Variants in EEA1 observed in about 807,000 individuals in gnomAD.
EEA1 encodes early endosome antigen 1, 162kD.
Under a neutral mutation model 209.2 loss-of-function variants are expected in EEA1, and 111 were observed. That is an observed-to-expected ratio of 0.53 (90% confidence interval 0.45 to 0.62). The LOEUF is 0.62. Among genes scored for constraint, EEA1 ranks in the 20% least tolerant of loss-of-function variants. The pLI is 0.00. For synonymous variants in EEA1, 536 were observed against 540.6 expected, an observed-to-expected ratio of 0.99 and a Z score of 0.12; for missense variants, 1,343 against 1,530.8, an observed-to-expected ratio of 0.88 and a Z score of 2.05.
At chr12:92,827,098 G>A (rs1056470305) in intron 12 of EEA1, among the ~76,000 whole-genome samples, 2 of 152,162 alleles carry the variant, frequency 1.3e-5, no homozygotes, top group African/African-American at 2.4e-5. Context: ...GCTCACACCC[G>A]TAATCCCAGC....
At chr12:92,802,803 T>A in intron 18 of EEA1, 69 bp from the exon 19 acceptor site, 2 of 1,253,530 alleles carry the variant, frequency 1.6e-6, no homozygotes, top group African/African-American at 1.6e-5. Flanking sequence ...CATTCAAAAT[T>A]AATCACAAAC....
At chr12:92,873,473 G>C (rs1022319059) in intron 2 of EEA1, among the ~76,000 whole-genome samples, 1 of 152,196 alleles carries the variant, frequency 6.6e-6, no homozygotes, top group African/African-American at 2.4e-5. Flanking sequence ...TGTGCCTGAT[G>C]ATACAGTAGA....
At chr12:92,778,250 A>C in intron 25 of EEA1, 71 bp from the exon 26 acceptor site, 1 of 1,254,736 alleles carries the variant, frequency 8.0e-7, no homozygotes, top group Non-Finnish European at 1.1e-6. Flanking sequence ...GTGATTTATT[A>C]CATTTAAAAT....
intron 1 of EEA1, among the ~76,000 whole-genome samples, chr12:92,918,943 T>A (rs1259266392): frequency 7.3e-6 from 1 of 137,624 alleles, no homozygotes; most frequent in African/African-American, 2.8e-5. Flanking sequence ...AAATACAAAC[T>A]ACCATCAGAG....
chr12:92,851,316 A>G (rs776389629), intron 8 of EEA1, 50 bp from the exon 9 acceptor site: 1 of 1,520,956 alleles, frequency 6.6e-7, no homozygotes, highest in South Asian at 1.2e-5. Flanking sequence ...AACTAAAATA[A>G]TACACATTTT....
Position 92,883,747 on chromosome 12 carries a change from G to A in EEA1, c.117+7882C>T, listed in dbSNP as rs192102891. 6.5e-3 allele frequency: 8,444 copies of A among 1,300,974 alleles called. 40 individuals are homozygous for A. Among genetic ancestry groups the A allele is most frequent in the Non-Finnish European group, 7.7e-3 (7,021 of 906,386 alleles). The allele number at this position is 1,300,974 out of a possible 1,614,324, so 80.6% of individuals were successfully genotyped here. A position where few individuals can be genotyped will look rare whatever the true frequency, so the allele number is the denominator to read the frequency against. ...CCGCGGACGCCACTGAAGAAGCATC[G>A]TTAAAGTCTCTCTTCTCCCTTCCGT... On this transcript the variant is annotated intron_variant, in intron 2 of 28. Transcript: ENST00000322349.
chr12:92,898,731 C>CTTTTTTTTTTTTTTTT (rs772593153), intron 1 of EEA1, among the ~76,000 whole-genome samples: 1 of 76,110 alleles, frequency 1.3e-5, no homozygotes, highest in Non-Finnish European at 2.5e-5. Flanking sequence ...CTTTTTTTCC[C>CTTTTTTTTTTTTTTTT]TTTTTTTTTT....
chr12:92,813,230 A>G, intron 15 of EEA1, 137 bp from the exon 16 acceptor site: 2 of 461,162 alleles, frequency 4.3e-6, no homozygotes, highest in Non-Finnish European at 7.5e-6. Context: ...TTATATATTG[A>G]AAAATATGTA....
In EEA1 at chr12:92,857,691, A is replaced by G. The variant is rs369494986; in HGVS notation, c.246-206T>C. On this transcript the variant is annotated intron_variant, in intron 3 of 28. Coordinates refer to ENST00000322349, the MANE Select transcript of EEA1 (RefSeq NM_003566.4). ...CCTAAAGCTTACTGTTTATAAATGG[A>G]AAAAACATTTTCTCATGGAAATAAT... 1.8e-4 allele frequency among the ~76,000 whole-genome samples: 28 copies of G among 152,324 alleles called. 1 individual carries two copies. The East Asian group carries it at 2.3e-3, about 13-fold the overall frequency.
intron 10 of EEA1, among the ~76,000 whole-genome samples, chr12:92,833,264 C>G (rs1876745228): frequency 6.6e-6 from 1 of 152,126 alleles, no homozygotes; most frequent in Non-Finnish European, 1.5e-5. Flanking sequence ...AGAGCTTTAG[C>G]ACAGCAATAT....
At chr12:92,842,348 TAAA>T (rs367692433) in intron 10 of EEA1, 114 bp downstream of exon 10, 4 of 490,626 alleles carry the variant, frequency 8.2e-6, no homozygotes, top group African/African-American at 2.2e-5. Flanking sequence ...TATTAAACAC[TAAA>T]AAAAAAAAAT....
chr12:92,844,447 C>A (rs1877307289), intron 9 of EEA1, among the ~76,000 whole-genome samples: 1 of 151,966 alleles, frequency 6.6e-6, no homozygotes, highest in Non-Finnish European at 1.5e-5. Context: ...TATGTAACAG[C>A]TGATATGTTA....
intron 11 of EEA1, among the ~76,000 whole-genome samples, chr12:92,830,215 T>C (rs1235397513): frequency 6.6e-6 from 1 of 152,140 alleles, no homozygotes; most frequent in African/African-American, 2.4e-5. Context: ...TGCAGGTTTG[T>C]TATATAGGTA....
chr12:92,783,754 C>T (rs1874010052), intron 22 of EEA1, among the ~76,000 whole-genome samples: 1 of 152,016 alleles, frequency 6.6e-6, no homozygotes, highest in African/African-American at 2.4e-5. Flanking sequence ...GCTGCTACTG[C>T]GAAGAATCAG....
chr12:92,802,224 C>A (rs906074904), intron 19 of EEA1, among the ~76,000 whole-genome samples, 180 bp downstream of exon 19: 3 of 152,038 alleles, frequency 2.0e-5, no homozygotes, highest in African/African-American at 7.2e-5. Context: ...GGTGCATACA[C>A]ACACATTATT....
In EEA1 at chr12:92,801,659, T is replaced by C. The variant is rs73362428; in HGVS notation, c.2713A>G (p.Met905Val). 1.9e-6 allele frequency: 3 copies of C among 1,599,030 alleles called. No individual in the cohort carries two copies. The highest frequency in any genetic ancestry group is 2.6e-6 in the Non-Finnish European group (3 of 1,174,524). Reference protein sequence around the residue: ...KELKHQLQVQMENTLKEQKEL... With the variant: ...KELKHQLQVQVENTLKEQKEL... ...TTCTGTTCCTTAAGTGTGTTTTCCA[T>C]CTGCACTTGAAGTTGATGCTTTAAT... The change falls in exon 20 of 29, where the codon ATG becomes GTG. Residue 905 changes from methionine (M) to valine (V), a missense_variant. Transcript: ENST00000322349.
chr12:92,872,884 G>C (rs894793367), intron 2 of EEA1, among the ~76,000 whole-genome samples: 5 of 152,130 alleles, frequency 3.3e-5, no homozygotes, highest in African/African-American at 1.2e-4. Context: ...ACCCGGGAGG[G>C]GGGAGGTTGC....
chr12:92,804,771 T>C (rs1458101428), intron 18 of EEA1, among the ~76,000 whole-genome samples: 4 of 151,910 alleles, frequency 2.6e-5, no homozygotes, highest in Admixed American at 6.6e-5. Context: ...AAGGGGGCCC[T>C]CAAAAAGGGG....
At chr12:92,925,666 T>C (rs1400632669) in intron 1 of EEA1, among the ~76,000 whole-genome samples, 2 of 152,354 alleles carry the variant, frequency 1.3e-5, no homozygotes, top group East Asian at 1.9e-4. Flanking sequence ...TACATACATA[T>C]TGGAGCTACT....
Sources: allele counts gnomAD v4.1 joint callset (sites outside exome capture counted in the v4.1 genomes callset), GRCh38; gene constraint gnomAD v4.1.1; transcripts MANE v1.5; gene names NCBI Gene and HGNC (gene_info 2026-07-23, HGNC 2026-07-21).